The following CDH4 variants were observed in gnomAD, a reference collection of about 807,000 sequenced individuals.
The protein encoded by CDH4 is cadherin 4, also known as cadherin-4.
CDH4 carries 33 observed loss-of-function variants against 86.0 expected under a neutral mutation model. The ratio of observed to expected loss-of-function variants is 0.38; its 90% CI spans 0.29 to 0.51. CDH4 has a LOEUF of 0.51. Among genes scored for constraint, CDH4 ranks in the 20% least tolerant of loss-of-function variants. The pLI, the probability that CDH4 is intolerant of heterozygous loss-of-function variation, is 0.86. For missense variants in CDH4, 1,114 were observed against 1,307.4 expected (o/e 0.85, Z 2.28); for synonymous variants, 555 against 549.4 (o/e 1.01, Z -0.14).
chr20:61,628,704 C>T (rs1023547675), intron 2 of CDH4, among the ~76,000 whole-genome samples: 9 of 152,228 alleles, frequency 5.9e-5, no homozygotes, highest in African/African-American at 2.2e-4. Context: ...AGCTGCCAGG[C>T]TAGACTCACG....
chr20:61,692,719 A>G (rs1023009919), intron 2 of CDH4, among the ~76,000 whole-genome samples: 4 of 152,232 alleles, frequency 2.6e-5, no homozygotes, highest in African/African-American at 9.6e-5. Context: ...TGTGTGCCAT[A>G]TGACTCCATT....
At chr20:61,363,936 G>A (rs1373739024) in intron 2 of CDH4, among the ~76,000 whole-genome samples, 1 of 152,196 alleles carries the variant, frequency 6.6e-6, no homozygotes, top group Non-Finnish European at 1.5e-5. Flanking sequence ...TGTATTAAAG[G>A]CATTTTCAGC....
chr20:61,487,996 G>C (rs552991012), intron 2 of CDH4, among the ~76,000 whole-genome samples: 2 of 152,324 alleles, frequency 1.3e-5, no homozygotes, highest in South Asian at 2.1e-4. Context: ...GTCACCCCCA[G>C]AGGCAAATGG....
intron 2 of CDH4, among the ~76,000 whole-genome samples, chr20:61,421,493 G>A (rs2085177560): frequency 6.6e-6 from 1 of 152,236 alleles, no homozygotes; most frequent in African/African-American, 2.4e-5. Context: ...GCTATCCAAA[G>A]CCAGGGTGGA....
intron 2 of CDH4, among the ~76,000 whole-genome samples, chr20:61,729,178 G>A (rs1031590226): frequency 1.3e-5 from 2 of 152,290 alleles, no homozygotes; most frequent in African/African-American, 2.4e-5. Flanking sequence ...GGTGCATGGC[G>A]CATTGGTGGC....
intron 2 of CDH4, among the ~76,000 whole-genome samples, chr20:61,303,082 A>G (rs995295869): frequency 2.0e-5 from 3 of 152,170 alleles, no homozygotes; most frequent in Non-Finnish European, 4.4e-5. Context: ...CCTGCAAGAT[A>G]TAAGTGTTCA....
At chr20:61,322,080 C>T (rs1050085940) in intron 2 of CDH4, among the ~76,000 whole-genome samples, 3 of 152,158 alleles carry the variant, frequency 2.0e-5, no homozygotes, top group East Asian at 1.9e-4. Flanking sequence ...CCCCAGGATA[C>T]GAACCCCAGG....
At chr20:61,490,033 A>C (rs901849391) in intron 2 of CDH4, among the ~76,000 whole-genome samples, 28 of 152,200 alleles carry the variant, frequency 1.8e-4, no homozygotes, top group African/African-American at 6.3e-4. Flanking sequence ...TAGCTCACAA[A>C]TTCCTGGTTG....
intron 2 of CDH4, among the ~76,000 whole-genome samples, chr20:61,704,652 A>C (rs915441793): frequency 2.6e-5 from 4 of 152,150 alleles, no homozygotes; most frequent in Non-Finnish European, 5.9e-5. Context: ...TTGAGTTTTC[A>C]AGATAAGCCA....
chr20:61,428,073 G>A (rs2085224639), intron 2 of CDH4, among the ~76,000 whole-genome samples: 2 of 152,194 alleles, frequency 1.3e-5, no homozygotes, highest in Non-Finnish European at 2.9e-5. Context: ...CCCTTTCCGA[G>A]TCATAGACAG....
intron 3 of CDH4, among the ~76,000 whole-genome samples, chr20:61,755,965 A>C (rs1211848123): frequency 6.6e-6 from 1 of 152,174 alleles, no homozygotes; most frequent in Non-Finnish European, 1.5e-5. Context: ...CGGCCACCCA[A>C]CTGCATCACC....
chr20:61,838,910 C>T (rs1351325012), intron 4 of CDH4, among the ~76,000 whole-genome samples: 6 of 151,972 alleles, frequency 3.9e-5, no homozygotes, highest in African/African-American at 9.7e-5. Flanking sequence ...AGTGCAAGTC[C>T]GCCTGCCTGG....
At chr20:61,329,668 G>C (rs74311947) in intron 2 of CDH4, among the ~76,000 whole-genome samples, 2 of 112,160 alleles carry the variant, frequency 1.8e-5, no homozygotes, top group South Asian at 5.3e-4. Context: ...ACCCTGGATT[G>C]TCACTTTAAA....
At chr20:61,561,470 G>T (rs976075312) in intron 2 of CDH4, among the ~76,000 whole-genome samples, 1 of 152,238 alleles carries the variant, frequency 6.6e-6, no homozygotes, top group Non-Finnish European at 1.5e-5. Context: ...CCCTCTTCCC[G>T]TCTCCTCCAA....
intron 2 of CDH4, among the ~76,000 whole-genome samples, chr20:61,586,431 T>A (rs1210705132): frequency 6.6e-6 from 1 of 152,180 alleles, no homozygotes; most frequent in Non-Finnish European, 1.5e-5. Context: ...CATAACCAGC[T>A]AGGGCACCAC....
At chr20:61,424,138 G>C (rs563370825) in intron 2 of CDH4, among the ~76,000 whole-genome samples, 24 of 149,374 alleles carry the variant, frequency 1.6e-4, no homozygotes, top group African/African-American at 5.7e-4. Context: ...TCCACACACA[G>C]CACACATGTA....
chr20:61,686,182 A>T (rs1028641562), intron 2 of CDH4, among the ~76,000 whole-genome samples: 3 of 152,162 alleles, frequency 2.0e-5, no homozygotes, highest in Admixed American at 2.0e-4. Flanking sequence ...GTTTCACGAA[A>T]CTCCTAGAGT....
intron 2 of CDH4, among the ~76,000 whole-genome samples, chr20:61,294,005 A>G (rs1231932264): frequency 2.0e-5 from 3 of 151,972 alleles, no homozygotes; most frequent in Admixed American, 1.3e-4. Flanking sequence ...TCTGTTTCAC[A>G]GTGTGGAGAC....
At chr20:61,667,773 G>A (rs1412044223) in intron 2 of CDH4, among the ~76,000 whole-genome samples, 1 of 152,238 alleles carries the variant, frequency 6.6e-6, no homozygotes, top group Non-Finnish European at 1.5e-5. Flanking sequence ...CTTGCTGCTG[G>A]GTCCTCGGTG....
Sources: allele counts gnomAD v4.1 joint callset (sites outside exome capture counted in the v4.1 genomes callset), GRCh38; gene constraint gnomAD v4.1.1; transcripts MANE v1.5; gene names NCBI Gene and HGNC (gene_info 2026-07-23, HGNC 2026-07-21).